Variants in TMEM130 observed in about 807,000 individuals in gnomAD.
The protein encoded by TMEM130 is transmembrane protein 130.
In TMEM130, 37 loss-of-function variants were observed where a neutral mutation model predicts 42.9. The observed-to-expected ratio is 0.86, with a 90% CI of 0.66 to 1.13. The LOEUF is 1.13. Among genes scored for constraint, TMEM130 ranks in the 50% most tolerant of loss-of-function variants. TMEM130 has a pLI of 0.00. For synonymous variants in TMEM130, 259 were observed against 237.7 expected (o/e 1.09, Z -0.82); for missense variants, 545 against 562.6 (o/e 0.97, Z 0.32).
chr7:98,862,466 G>C (rs936532076), intron 2 of TMEM130, among the ~76,000 whole-genome samples: 11 of 146,382 alleles, frequency 7.5e-5, no homozygotes, highest in Non-Finnish European at 1.2e-4. Context: ...TGAATGACTG[G>C]CCCCAAGACT....
intron 6 of TMEM130, among the ~76,000 whole-genome samples, chr7:98,850,273 A>ATATATATATATATTTTTTTTTTTTTT: frequency 5.6e-4 from 20 of 35,434 alleles, no homozygotes; most frequent in Non-Finnish European, 9.5e-4. Context: ...ATATATATAT[A>ATATATATATATATTTTTTTTTTTTTT]TTTTTTTTTT....
intron 5 of TMEM130, among the ~76,000 whole-genome samples, chr7:98,852,199 GGC>G (rs1439355799): frequency 6.6e-6 from 1 of 151,948 alleles, no homozygotes; most frequent in Non-Finnish European, 1.5e-5. Context: ...GGAGTGCAAT[GGC>G]GCGATCTTGA....
intron 1 of TMEM130, among the ~76,000 whole-genome samples, chr7:98,864,287 C>T (rs192101235): frequency 1.3e-5 from 2 of 152,002 alleles, no homozygotes; most frequent in Non-Finnish European, 2.9e-5. Context: ...CTCACTGCAG[C>T]CTCAAACTCC....
intron 6 of TMEM130, 102 bp downstream of exon 6, chr7:98,851,319 C>G: frequency 8.1e-7 from 1 of 1,239,478 alleles, no homozygotes; most frequent in Non-Finnish European, 1.2e-6. Flanking sequence ...TGCTGAGGAC[C>G]TTGGTAAGGC....
Position 98,856,318 on chromosome 7 carries a change from A to G in TMEM130, c.552-135T>C, listed in dbSNP as rs1352576019. On this transcript the variant is annotated intron_variant, in intron 3 of 7. Coordinates refer to ENST00000339375, the MANE Select transcript of TMEM130 (RefSeq NM_152913.3). ...GTGATACTCCCAGCTACCAGTGAGC[A>G]CACCTGTCATCACAGCCTAGAGCCA... 17 of 846,556 alleles carry G rather than the reference A, an allele frequency of 2.0e-5. No individual in the cohort carries two copies. The African/African-American group carries it at 2.0e-4, about 10-fold the overall frequency. 52.4% of individuals were successfully genotyped at this position (846,556 alleles called of 1,614,324 possible).
rs782800381 is a variant in TMEM130 at position 98,847,755 on chromosome 7, C to T, written c.*301G>A. 7 of 252,174 alleles carry T rather than the reference C, an allele frequency of 2.8e-5. No homozygotes were observed. The highest frequency in any genetic ancestry group is 5.4e-5 in the Admixed American group (1 of 18,614). The allele number at this position is 252,174 out of a possible 1,614,324, so 15.6% of individuals were successfully genotyped here. A position where few individuals can be genotyped will look rare whatever the true frequency, so the allele number is the denominator to read the frequency against. On this transcript the variant is annotated 3_prime_UTR_variant, in exon 8 of 8. Transcript: ENST00000339375. ...AGCCAGGCCCACCTGGGAGTCAACA[C>T]GGAACACCCCAAGCATCAAAGTCCT...
In TMEM130 at chr7:98,848,096, A is replaced by G. The variant is rs1794401482; in HGVS notation, c.1232T>C (p.Leu411Pro). The change falls in exon 8 of 8, where the codon CTC (leucine) becomes CCC (proline). Residue 411 changes from leucine (L) to proline (P), a missense_variant. Physicochemically the swap from Leu to Pro is moderately conservative, Grantham distance 98. Transcript: ENST00000339375. ...TTTGACAGACTTATAGAGGGGCGGG[A>G]GCAGCCCGTGGTTCTCACGAACAAT... ...LEIVRENHGL[L>P]PPLYKSVKTY... 2 of 1,614,018 alleles carry G rather than the reference A, an allele frequency of 1.2e-6. No homozygotes were observed. The highest frequency in any genetic ancestry group is 4.5e-5 in the East Asian group (2 of 44,868).
intron 1 of TMEM130, among the ~76,000 whole-genome samples, chr7:98,867,358 C>T (rs1016015333): frequency 6.6e-6 from 1 of 152,204 alleles, no homozygotes; most frequent in Admixed American, 6.5e-5. Flanking sequence ...TGCTCTCCCT[C>T]CCCACTTTGG....
In TMEM130 at chr7:98,864,051, C is replaced by A. The variant is rs1794854294; in HGVS notation, c.86-651G>T. On this transcript the variant is annotated intron_variant, in intron 1 of 7. Transcript: ENST00000339375. Reference sequence around the variant, plus strand: ...GAAACTATAGGCACACACCACCACACCCAGCTAATTTTTTATTTTTTGTAG... The same window carrying A: ...GAAACTATAGGCACACACCACCACAACCAGCTAATTTTTTATTTTTTGTAG... Among the ~76,000 whole-genome samples the A allele has an allele frequency of 2.0e-5, 3 of 152,052 alleles. No homozygotes were observed. In the South Asian group the frequency reaches 6.2e-4, roughly 32 times the overall value.
chr7:98,855,513 C>G (rs782068406), intron 4 of TMEM130, among the ~76,000 whole-genome samples, 189 bp from the exon 5 acceptor site: 16 of 152,188 alleles, frequency 1.1e-4, no homozygotes, highest in Non-Finnish European at 1.8e-4. Flanking sequence ...GAAGCCTGCT[C>G]AGAGGGAGGA....
chr7:98,863,184 C>T lies in TMEM130; in HGVS notation c.302G>A (p.Gly101Glu). The change falls in exon 2 of 8, where the codon GGG (glycine) becomes GAG (glutamate). Residue 101 changes from glycine to glutamate, a missense_variant. Physicochemically the swap from Gly to Glu is moderately conservative, Grantham distance 98. Coordinates refer to ENST00000339375, the MANE Select transcript of TMEM130 (RefSeq NM_152913.3). ...GACCCAGACAGAGACCGGGAATTCC[C>T]CGGGCACGTGGCCGACCACACGGAT... The part of the protein sequence containing the change: ...STIRVVGHVP[G>E]EFPVSVWVTA... The T allele has an allele frequency of 6.2e-7, 1 of 1,614,150 alleles. No individual in the cohort carries two copies. Among genetic ancestry groups the T allele is most frequent in the Non-Finnish European group, 8.5e-7 (1 of 1,180,040 alleles).
Position 98,848,144 on chromosome 7 carries a change from T to C in TMEM130, c.1184A>G (p.Glu395Gly). 6.2e-7 allele frequency: 1 copy of C among 1,614,042 alleles called. No homozygotes were observed. The highest frequency in any genetic ancestry group is 8.5e-7 in the Non-Finnish European group (1 of 1,180,000). Residue 395 changes from glutamate to glycine, a missense_variant, in exon 8 of 8, where the codon GAG (glutamate) becomes GGG (glycine). Physicochemically the swap from Glu to Gly is moderately conservative, Grantham distance 98. Coordinates refer to ENST00000339375, the MANE Select transcript of TMEM130 (RefSeq NM_152913.3). ...AATTTCCAGGTACTCAGATGGAGTCTCCAGCAAGAAAGGCCCACAGCACAT... is the reference window on the plus strand; with the variant it reads ...AATTTCCAGGTACTCAGATGGAGTCCCCAGCAAGAAAGGCCCACAGCACAT... ...CQMCCGPFLL[E>G]TPSEYLEIVR...
chr7:98,862,751 C>T (rs1033454726), intron 2 of TMEM130, among the ~76,000 whole-genome samples: 1 of 152,172 alleles, frequency 6.6e-6, no homozygotes, highest in South Asian at 2.1e-4. Context: ...CCACCTGCCT[C>T]GGCCTCCCGA....
intron 6 of TMEM130, among the ~76,000 whole-genome samples, chr7:98,850,897 G>A (rs904897920): frequency 2.0e-5 from 3 of 152,276 alleles, no homozygotes; most frequent in African/African-American, 4.8e-5. Context: ...CTGGGGACGT[G>A]TGGTCTTGGA....
At position 98,869,691 on chromosome 7, in the gene TMEM130, G is replaced by T; in HGVS notation, c.85+86C>A. On this transcript the variant is annotated intron_variant, in intron 1 of 7. Coordinates refer to ENST00000339375, the MANE Select transcript of TMEM130 (RefSeq NM_152913.3). This position sits in a 1 kb window ranked among gnomAD's most constrained non-coding sequence, Gnocchi z 4.7. ...GCACGGTGCCACCTCCGCAATCCCT[G>T]CTCCCGGGCCCACTCGCCCGCTGAG... 9.6e-7 allele frequency: 1 copy of T among 1,037,338 alleles called. No individual in the cohort carries two copies. The highest frequency in any genetic ancestry group is 1.3e-6 in the Non-Finnish European group (1 of 786,544). 64.3% of individuals were successfully genotyped at this position (1,037,338 alleles called of 1,614,324 possible). A position where few individuals can be genotyped will look rare whatever the true frequency, so the allele number is the denominator to read the frequency against.
chr7:98,862,045 A>G (rs1554399843), intron 2 of TMEM130, among the ~76,000 whole-genome samples: 2 of 152,236 alleles, frequency 1.3e-5, no homozygotes, highest in African/African-American at 4.8e-5. Flanking sequence ...TATTATATTT[A>G]GCCAATCTCC....
rs1554400999 is a variant in TMEM130, at chr7:98,869,155, G to A, written c.85+622C>T. On this transcript the variant is annotated intron_variant, in intron 1 of 7. Coordinates refer to ENST00000339375, the MANE Select transcript of TMEM130 (RefSeq NM_152913.3). This position sits in a 1 kb window ranked among gnomAD's most constrained non-coding sequence, Gnocchi z 4.7. ...GCTTTCTGGCGGTGGGGAAGTGGGG[G>A]CAGTAGACACACAACCCTGCTTCCC... 1.6e-6 allele frequency: 2 copies of A among 1,271,190 alleles called. No homozygotes were observed. Among genetic ancestry groups the A allele is most frequent in the Admixed American group, 5.0e-5 (2 of 40,242 alleles). The allele number at this position is 1,271,190 out of a possible 1,614,324, so 78.7% of individuals were successfully genotyped here.
chr7:98,852,199 G>C (rs1324581645), intron 5 of TMEM130, among the ~76,000 whole-genome samples: 3 of 151,948 alleles, frequency 2.0e-5, no homozygotes, highest in African/African-American at 7.3e-5. Flanking sequence ...GGAGTGCAAT[G>C]GCGCGATCTT....
intron 1 of TMEM130, among the ~76,000 whole-genome samples, chr7:98,863,757 C>CTCCT (rs1387195579): frequency 6.8e-6 from 1 of 147,260 alleles, no homozygotes; most frequent in African/African-American, 2.5e-5. Context: ...TCTTTTCTCT[C>CTCCT]TCCTTCCTTC....
Sources: gnomAD v4.1 joint callset for allele counts (sites outside exome capture counted in the v4.1 genomes callset) on GRCh38, gnomAD v4.1.1 for gene constraint, Gnocchi (gnomAD v3.1) non-coding constraint, MANE v1.5 for transcripts, NCBI Gene and HGNC (gene_info 2026-07-23, HGNC 2026-07-21) for gene names.